Variants in CRMP1 observed in about 807,000 individuals in gnomAD.
CRMP1 encodes the protein dihydropyrimidinase-related protein 1.
Under a neutral mutation model 68.3 loss-of-function variants are expected in CRMP1, and 19 were observed. That is an observed-to-expected ratio of 0.28 (90% CI 0.19 to 0.41). The LOEUF (loss-of-function observed/expected upper bound fraction) is 0.41. CRMP1 is among the 10% of genes least tolerant of loss of function. The pLI, the probability that CRMP1 is intolerant of heterozygous loss-of-function variation, is 1.00. For missense variants in CRMP1, 791 were observed against 967.4 expected (o/e 0.82, Z 2.42); for synonymous variants, 439 against 399.6 (o/e 1.10, Z -1.18).
chr4:5,889,554 G>T lies in CRMP1; in HGVS notation c.381+3035C>A, dbSNP rs1715843870. 1.3e-6 allele frequency: 2 copies of T among 1,534,534 alleles called. No homozygotes were observed. Among genetic ancestry groups the T allele is most frequent in the Admixed American group, 3.9e-5 (2 of 50,998 alleles). On this transcript the variant is annotated intron_variant, in intron 1 of 13. Transcript: ENST00000324989. The surrounding 1 kb of genome is among the most constrained non-coding windows in gnomAD (Gnocchi z 4.5). ...AAAGATGAAAGAAGATGGAGGAAAA[G>T]GGGGAGCCCCAGCAAGCCCCAACCT...
chr4:5,856,047 C>T, intron 4 of CRMP1, 96 bp downstream of exon 4: 1 of 1,440,938 alleles, frequency 6.9e-7, no homozygotes, highest in South Asian at 1.3e-5. Context: ...AGGCTCAGAA[C>T]AGATGCAGAC....
intron 1 of CRMP1, among the ~76,000 whole-genome samples, chr4:5,878,810 T>G (rs1186266268): frequency 6.6e-6 from 1 of 152,194 alleles, no homozygotes; most frequent in Non-Finnish European, 1.5e-5. Context: ...CTTATTTTTT[T>G]TTTTAATCCT....
chr4:5,839,496 C>A, intron 9 of CRMP1, 26 bp downstream of exon 9: 1 of 1,587,868 alleles, frequency 6.3e-7, no homozygotes, highest in Non-Finnish European at 8.6e-7. Context: ...CTGCCTCCCC[C>A]AGCCCCACGT....
Position 5,855,996 on chromosome 4 carries a change from C to T in CRMP1, c.820+147G>A. Reference sequence around the variant, plus strand: ...GGATGGACTCTGTAAAGGGACTGGCCTGTTTCCTCACTGTCACGTGGCAGA... The same window carrying T: ...GGATGGACTCTGTAAAGGGACTGGCTTGTTTCCTCACTGTCACGTGGCAGA... On this transcript the variant is annotated intron_variant, in intron 4 of 13. Transcript: ENST00000324989. The surrounding 1 kb of genome is among the most constrained non-coding windows in gnomAD (Gnocchi z 4.9). 1 of 888,506 alleles carries T rather than the reference C, an allele frequency of 1.1e-6. No individual in the cohort carries two copies. Among genetic ancestry groups the T allele is most frequent in the Non-Finnish European group, 1.7e-6 (1 of 581,990 alleles). The allele number at this position is 888,506 out of a possible 1,614,324, so 55.0% of individuals were successfully genotyped here.
rs1485157054 is a variant in CRMP1, at chr4:5,872,801, CACAGCG to C, written c.382-6051_382-6046del. ...GGCATGTCAGAGATACAGTTCGTTC[CACAGCG>C]ACAGCAATGACCTTTAGAGCAAATC... On this transcript the variant is annotated intron_variant, in intron 1 of 13. Coordinates refer to ENST00000324989, the MANE Select transcript of CRMP1 (RefSeq NM_001014809.3). The surrounding 1 kb of genome is among the most constrained non-coding windows in gnomAD (Gnocchi z 4.6). Among the ~76,000 whole-genome samples the C allele has an allele frequency of 6.6e-6, 1 of 152,194 alleles. No homozygotes were observed. The highest frequency in any genetic ancestry group is 1.5e-5 in the Non-Finnish European group (1 of 68,038).
Position 5,889,982 on chromosome 4 carries a change from A to T in CRMP1, c.381+2607T>A, listed in dbSNP as rs959167923. On this transcript the variant is annotated intron_variant, in intron 1 of 13. Coordinates refer to ENST00000324989, the MANE Select transcript of CRMP1 (RefSeq NM_001014809.3). This position sits in a 1 kb window ranked among gnomAD's most constrained non-coding sequence, Gnocchi z 4.5. ...AAATGATGTACCCCGGGTGCAAAAC[A>T]TATTAGCTGCAGCAAAGCAGCATGG... 2 of 1,184,550 alleles carry T rather than the reference A, an allele frequency of 1.7e-6. No homozygotes were observed. Among genetic ancestry groups the T allele is most frequent in the African/African-American group, 3.1e-5 (2 of 64,750 alleles). The allele number at this position is 1,184,550 out of a possible 1,614,324, so 73.4% of individuals were successfully genotyped here. A position where few individuals can be genotyped will look rare whatever the true frequency, so the allele number is the denominator to read the frequency against.
intron 8 of CRMP1, among the ~76,000 whole-genome samples, chr4:5,840,464 T>C (rs572500017): frequency 1.8e-3 from 274 of 152,216 alleles, no homozygotes; most frequent in Middle Eastern, 3.4e-3. Flanking sequence ...TGCTGCCCAG[T>C]AGGAGAGGCA....
At chr4:5,839,354 G>A (rs923989336) in intron 9 of CRMP1, among the ~76,000 whole-genome samples, 168 bp downstream of exon 9, 2 of 152,192 alleles carry the variant, frequency 1.3e-5, no homozygotes, top group Non-Finnish European at 1.5e-5. Flanking sequence ...AGATCTTCAG[G>A]TCCGTGAGGG....
chr4:5,887,817 C>A (rs1440510124), intron 1 of CRMP1: 1 of 994,692 alleles, frequency 1.0e-6, no homozygotes, highest in Non-Finnish European at 1.2e-6. Flanking sequence ...GGTGCATGGG[C>A]CGGACGGTGC....
chr4:5,832,025 T>A (rs900720242), intron 11 of CRMP1, among the ~76,000 whole-genome samples: 1 of 152,226 alleles, frequency 6.6e-6, no homozygotes, highest in Non-Finnish European at 1.5e-5. Flanking sequence ...ATCCATGATA[T>A]AGCACGGATG....
intron 10 of CRMP1, 136 bp downstream of exon 10, chr4:5,836,629 T>C: frequency 7.9e-7 from 1 of 1,267,090 alleles, no homozygotes; most frequent in Non-Finnish European, 1.1e-6. Flanking sequence ...CGTTCCCTCC[T>C]GCGCCCTCCT....
rs539555854 is a variant in CRMP1, at chr4:5,883,034, G to A, written c.381+9555C>T. 3.3e-4 allele frequency among the ~76,000 whole-genome samples: 50 copies of A among 152,014 alleles called. No individual in the cohort carries two copies. The highest frequency in any genetic ancestry group is 1.7e-3 in the South Asian group (8 of 4,800). On this transcript the variant is annotated intron_variant, in intron 1 of 13. Transcript: ENST00000324989. The surrounding 1 kb of genome is among the most constrained non-coding windows in gnomAD (Gnocchi z 4.5). Reference sequence around the variant, plus strand: ...CATTCACATGTATTTCCACTTCTGCGTCCTCTGATTCACCTGTGTGAAATA... The same window carrying A: ...CATTCACATGTATTTCCACTTCTGCATCCTCTGATTCACCTGTGTGAAATA...
intron 11 of CRMP1, among the ~76,000 whole-genome samples, chr4:5,829,343 C>T (rs570456750): frequency 7.9e-5 from 12 of 152,206 alleles, no homozygotes; most frequent in East Asian, 1.9e-4. Context: ...GAGCCGAGAT[C>T]GTGCCACTGC....
rs1719384355 is a variant in CRMP1, at chr4:5,825,371, A to G, written c.1969+123T>C. Reference sequence around the variant, plus strand: ...GTGAGAGCAGGCTCGGGTGGGGCACACTCCCTTCCCTGCTTCTTCATCTAG... The same window carrying G: ...GTGAGAGCAGGCTCGGGTGGGGCACGCTCCCTTCCCTGCTTCTTCATCTAG... On this transcript the variant is annotated intron_variant, in intron 13 of 13. Transcript: ENST00000324989. This position sits in a 1 kb window ranked among gnomAD's most constrained non-coding sequence, Gnocchi z 4.4. The G allele has an allele frequency of 4.8e-6, 7 of 1,447,906 alleles. No homozygotes were observed. The highest frequency in any genetic ancestry group is 6.3e-6 in the Non-Finnish European group (7 of 1,108,402). 89.7% of individuals were successfully genotyped at this position (1,447,906 alleles called of 1,614,324 possible). A position where few individuals can be genotyped will look rare whatever the true frequency, so the allele number is the denominator to read the frequency against.
In CRMP1 at chr4:5,821,886, C is replaced by CTGTT. The variant is rs1718636351; in HGVS notation, c.1970-39_1970-36dup. ...AGCGCCAATCGCTGCTGGATGGGATCTGTTAGCATCAGTTCCACGCTGCTC... is the reference window on the plus strand; with the variant it reads ...AGCGCCAATCGCTGCTGGATGGGATCTGTTTGTTAGCATCAGTTCCACGCTGCTC... On this transcript the variant is annotated intron_variant, in intron 13 of 13. Coordinates refer to ENST00000324989, the MANE Select transcript of CRMP1 (RefSeq NM_001014809.3). The surrounding 1 kb of genome is among the most constrained non-coding windows in gnomAD (Gnocchi z 4.4). 2 of 1,563,076 alleles carry CTGTT rather than the reference C, an allele frequency of 1.3e-6. No homozygotes were observed. Among genetic ancestry groups the CTGTT allele is most frequent in the African/African-American group, 2.7e-5 (2 of 74,444 alleles).
At chr4:5,869,187 A>AAGC (rs1270419910) in intron 1 of CRMP1, among the ~76,000 whole-genome samples, 1 of 152,176 alleles carries the variant, frequency 6.6e-6, no homozygotes, top group Non-Finnish European at 1.5e-5. Flanking sequence ...CCCTGGCCTC[A>AAGC]AGCAATCCTC....
Position 5,839,578 on chromosome 4 carries a change from G to C in CRMP1, c.1254C>G (p.Ser418=), listed in dbSNP as rs750995215. The change falls in exon 9 of 14, where the codon TCC becomes TCG. Residue 418 remains serine, a synonymous_variant. Coordinates refer to ENST00000324989, the MANE Select transcript of CRMP1 (RefSeq NM_001014809.3). ...NWAKAAAFVT[S]PPLSPDPTTP... Reference sequence around the variant, plus strand: ...TGGTAGGGTCCGGGCTCAGGGGAGGGGAAGTCACGAACGCCGCAGCCTTGG... The same window carrying C: ...TGGTAGGGTCCGGGCTCAGGGGAGGCGAAGTCACGAACGCCGCAGCCTTGG... 7 of 1,612,746 alleles carry C rather than the reference G, an allele frequency of 4.3e-6. No individual in the cohort carries two copies. The highest frequency in any genetic ancestry group is 5.9e-6 in the Non-Finnish European group (7 of 1,179,458).
Position 5,870,931 on chromosome 4 carries a change from C to T in CRMP1, c.382-4175G>A, listed in dbSNP as rs775080760. On this transcript the variant is annotated intron_variant, in intron 1 of 13. Transcript: ENST00000324989. The surrounding 1 kb of genome is among the most constrained non-coding windows in gnomAD (Gnocchi z 6.0). ...TCACCAGCAGCTGGTGCATGGCTTC[C>T]GGAACACGGCCGCCCCGCAGGCACC... Among the ~76,000 whole-genome samples the T allele has an allele frequency of 3.9e-5, 6 of 152,142 alleles. 1 individual carries two copies. The South Asian group carries it at 6.2e-4, about 16-fold the overall frequency.
intron 2 of CRMP1, among the ~76,000 whole-genome samples, chr4:5,864,141 A>T (rs1206310068): frequency 6.6e-6 from 1 of 152,152 alleles, no homozygotes; most frequent in Non-Finnish European, 1.5e-5. Context: ...ATGCAGCTCA[A>T]CCCATGGCCA....
Sources: gnomAD v4.1 joint callset for allele counts (sites outside exome capture counted in the v4.1 genomes callset) on GRCh38, gnomAD v4.1.1 for gene constraint, Gnocchi (gnomAD v3.1) non-coding constraint, MANE v1.5 for transcripts, NCBI Gene and HGNC (gene_info 2026-07-23, HGNC 2026-07-21) for gene names.